LRIG2: variants seen among roughly 807,000 people sequenced by gnomAD.
LRIG2 encodes the protein leucine-rich repeats and immunoglobulin-like domains protein 2.
LRIG2 carries 93 observed loss-of-function variants against 107.8 expected under a neutral mutation model. The observed-to-expected ratio is 0.86, with a 90% CI of 0.73 to 1.03. The LOEUF is 1.03. LRIG2 is among the 50% of genes least tolerant of loss of function. The pLI is 0.00. For missense variants in LRIG2, 1,226 were observed against 1,296.0 expected (o/e 0.95, Z 0.83); for synonymous variants, 471 against 470.6 (o/e 1.00, Z -0.01).
At chr1:113,105,562 A>G (rs1654505929) in intron 11 of LRIG2, among the ~76,000 whole-genome samples, 1 of 152,234 alleles carries the variant, frequency 6.6e-6, no homozygotes, top group Non-Finnish European at 1.5e-5. Flanking sequence ...TGACCTAAAA[A>G]GTATTATAAA....
intron 15 of LRIG2, among the ~76,000 whole-genome samples, chr1:113,115,551 T>TA (rs1654970376): frequency 7.4e-5 from 11 of 148,340 alleles, no homozygotes; most frequent in Admixed American, 6.8e-4. Context: ...TTTTTTGAGA[T>TA]AGAGTCTCGC....
Position 113,100,256 on chromosome 1 carries a change from C to T in LRIG2, c.1218C>T (p.Phe406=). The T allele has an allele frequency of 6.3e-7, 1 of 1,588,936 alleles. No homozygotes were observed. Among genetic ancestry groups the T allele is most frequent in the Non-Finnish European group, 8.6e-7 (1 of 1,161,774 alleles). The change falls in exon 10 of 18, where the codon TTC becomes TTT. Residue 406 remains phenylalanine (F), a synonymous_variant. Coordinates refer to ENST00000361127, the MANE Select transcript of LRIG2 (RefSeq NM_014813.3). The stretch of plus-strand genomic sequence containing the variant: ...TTAAGTCAATTACAAAGAAAGCATT[C>T]ATTGGTCTTGAATCCCTTGAGCATC... ...NQIKSITKKA[F]IGLESLEHLD... is the part of the protein sequence containing the mutation.
intron 8 of LRIG2, among the ~76,000 whole-genome samples, chr1:113,098,416 G>A (rs1654160418): frequency 6.6e-6 from 1 of 152,156 alleles, no homozygotes; most frequent in Non-Finnish European, 1.5e-5. Flanking sequence ...ACATAATGAA[G>A]GGCTCTTTGC....
At chr1:113,094,307 T>G (rs1320507871) in intron 4 of LRIG2, 32 bp from the exon 5 acceptor site, 4 of 1,549,154 alleles carry the variant, frequency 2.6e-6, no homozygotes, top group African/African-American at 2.8e-5. Flanking sequence ...TTTACTAAAT[T>G]TTTTCTTTTG....
intron 17 of LRIG2, among the ~76,000 whole-genome samples, chr1:113,122,875 A>G (rs982269703): frequency 3.0e-4 from 46 of 152,202 alleles, no homozygotes; most frequent in African/African-American, 1.1e-3. Context: ...GCTCTAGCTT[A>G]CTTTTCACAT....
chr1:113,083,614 G>A lies in LRIG2; in HGVS notation c.240-7704G>A, dbSNP rs143925988. 5.7e-4 allele frequency among the ~76,000 whole-genome samples: 87 copies of A among 151,734 alleles called. No individual in the cohort carries two copies. In the East Asian group the frequency reaches 0.017, roughly 29 times the overall value. On this transcript the variant is annotated intron_variant, in intron 1 of 17. Coordinates refer to ENST00000361127, the MANE Select transcript of LRIG2 (RefSeq NM_014813.3). The stretch of plus-strand genomic sequence containing the variant: ...ACCTGCCCTGGCTATCCAAAGTGCT[G>A]GGATTACAGACGTGAGCCACTGTGC...
intron 11 of LRIG2, among the ~76,000 whole-genome samples, chr1:113,105,085 G>GAA (rs1654477171): frequency 2.6e-5 from 4 of 152,214 alleles, no homozygotes; most frequent in Admixed American, 2.6e-4. Flanking sequence ...GGTGGAGGTT[G>GAA]CGGTGAGCTG....
chr1:113,091,270 G>T (rs1247205274), intron 1 of LRIG2, 48 bp from the exon 2 acceptor site: 4 of 1,223,920 alleles, frequency 3.3e-6, no homozygotes, highest in Admixed American at 4.4e-5. Flanking sequence ...TTTTCTTTAG[G>T]TCTACTTTCC....
intron 1 of LRIG2, among the ~76,000 whole-genome samples, chr1:113,088,342 C>G (rs1229468368): frequency 6.6e-6 from 1 of 152,118 alleles, no homozygotes; most frequent in Admixed American, 6.5e-5. Context: ...TACTCTTTCC[C>G]AAAACAGAGG....
chr1:113,094,406 TTAG>T lies in LRIG2; in HGVS notation c.585_587del (p.Val197del), dbSNP rs1278481451. 7 of 1,613,408 alleles carry T rather than the reference TTAG, an allele frequency of 4.3e-6. No homozygotes were observed. The Admixed American group carries it at 5.0e-5, about 12-fold the overall frequency. On this transcript the variant is annotated inframe_deletion, in exon 5 of 18. Transcript: ENST00000361127. ...CTTCGATAATTTATCAAGTTCCTTA[TTAG>T]TGGTAAAGTTAAACCGTAACCGAAT...
rs1019903140 is a variant in LRIG2 at position 113,073,397 on chromosome 1, G to A, written c.-10G>A. 25 of 1,611,368 alleles carry A rather than the reference G, an allele frequency of 1.6e-5. No homozygotes were observed. The highest frequency in any genetic ancestry group is 2.0e-5 in the Non-Finnish European group (24 of 1,177,960). On this transcript the variant is annotated 5_prime_UTR_variant, in exon 1 of 18. Coordinates refer to ENST00000361127, the MANE Select transcript of LRIG2 (RefSeq NM_014813.3). The stretch of plus-strand genomic sequence containing the variant: ...AGCTCTTCTAGGCCACGTCCAGGTC[G>A]AGGGGGAAAATGGCGCCGGCGCCCC...
intron 9 of LRIG2, 126 bp downstream of exon 9, chr1:113,098,911 T>C (rs1654183516): frequency 3.2e-6 from 2 of 629,862 alleles, no homozygotes; most frequent in Middle Eastern, 4.3e-4. Flanking sequence ...CTGGGAGCTC[T>C]GTGGGGTTTC....
intron 1 of LRIG2, among the ~76,000 whole-genome samples, chr1:113,081,130 C>T (rs1455798685): frequency 3.3e-5 from 5 of 152,164 alleles, no homozygotes; most frequent in East Asian, 3.9e-4. Context: ...CATGAGCCAC[C>T]GCGCCTGGCC....
At position 113,093,114 on chromosome 1, in the gene LRIG2, T is replaced by C. The variant is rs968292259; in HGVS notation, c.306-92T>C. ...CATATTCTTTTTCAAATTTGGCACC[T>C]ATTCTAAAGAATATGTGTTAGCCAG... On this transcript the variant is annotated intron_variant, in intron 2 of 17. Transcript: ENST00000361127. The C allele has an allele frequency of 2.0e-5, 15 of 733,082 alleles. 1 individual carries two copies. The highest frequency in any genetic ancestry group is 7.3e-5 in the African/African-American group (4 of 54,696). The allele number at this position is 733,082 out of a possible 1,614,324, so 45.4% of individuals were successfully genotyped here.
At chr1:113,094,909 T>G (rs902421552) in intron 6 of LRIG2, among the ~76,000 whole-genome samples, 154 bp downstream of exon 6, 1 of 152,032 alleles carries the variant, frequency 6.6e-6, no homozygotes, top group Non-Finnish European at 1.5e-5. Context: ...ACCTTTAAAG[T>G]TTTGTTAGCT....
rs938434818 is a variant in LRIG2 at position 113,112,494 on chromosome 1, T to C, written c.1814T>C (p.Leu605Pro). The C allele has an allele frequency of 6.9e-6, 11 of 1,596,730 alleles. No homozygotes were observed. The African/African-American group carries it at 1.2e-4, about 18-fold the overall frequency. ...KLTVNEMPSF[L>P]KTPMDLTIRT... ...CTGGAAACAGAGATGCCATCTTTTCTGAAAACGCCAATGGATCTGACTATT... is the reference window on the plus strand; with the variant it reads ...CTGGAAACAGAGATGCCATCTTTTCCGAAAACGCCAATGGATCTGACTATT... The change falls in exon 14 of 18, where the codon CTG becomes CCG. Residue 605 changes from leucine to proline, a missense_variant. Around this residue, in one of 3 missense-constraint regions of LRIG2, gnomAD observed 642 missense variants for 712.2 expected, o/e 0.90. Coordinates refer to ENST00000361127, the MANE Select transcript of LRIG2 (RefSeq NM_014813.3).
rs1655400295 is a variant in LRIG2, at chr1:113,124,349, T to C, written c.*248T>C. ...CGGCAGAGGGAAGATACGGGGCAAA[T>C]GTGCTTCCTGATGCTTCCATGGGGA... On this transcript the variant is annotated 3_prime_UTR_variant, in exon 18 of 18. Transcript: ENST00000361127. 7 of 534,440 alleles carry C rather than the reference T, an allele frequency of 1.3e-5. 1 individual carries two copies. 33.1% of individuals were successfully genotyped at this position (534,440 alleles called of 1,614,324 possible).
chr1:113,099,999 T>G (rs1312575706), intron 9 of LRIG2, among the ~76,000 whole-genome samples: 19 of 152,220 alleles, frequency 1.2e-4, no homozygotes. Context: ...GATTAATAAT[T>G]AAATTTCATA....
At chr1:113,084,004 ATAATAATAAT>A (rs1248607463) in intron 1 of LRIG2, among the ~76,000 whole-genome samples, 2 of 49,862 alleles carry the variant, frequency 4.0e-5, no homozygotes, top group Admixed American at 2.9e-4. Flanking sequence ...AAGTATAATA[ATAATAATAAT>A]AATAATAATA....
Sources: gnomAD v4.1 joint callset for allele counts (sites outside exome capture counted in the v4.1 genomes callset) on GRCh38, gnomAD v4.1.1 for gene constraint, gnomAD v4.1.1 regional missense constraint, MANE v1.5 for transcripts, NCBI Gene and HGNC (gene_info 2026-07-23, HGNC 2026-07-21) for gene names.